C9: variants seen among roughly 807,000 people sequenced by gnomAD.
C9 encodes the protein complement component C9.
A neutral mutation model predicts 65.4 loss-of-function variants in C9; 63 were observed. That is an observed-to-expected ratio of 0.96 (90% confidence interval 0.79 to 1.19). The LOEUF (loss-of-function observed/expected upper bound fraction) is 1.19, where lower values mean the gene tolerates loss of function less well. Ranked by LOEUF, C9 falls within the 50% of genes most tolerant of loss-of-function variation. The pLI is 0.00. For synonymous variants in C9, 229 were observed against 227.9 expected (o/e 1.00, Z -0.04); for missense variants, 744 against 670.1 (o/e 1.11, Z -1.22).
At chr5:39,291,704 A>G (rs1280854649) in intron 9 of C9, among the ~76,000 whole-genome samples, 1 of 151,950 alleles carries the variant, frequency 6.6e-6, no homozygotes, top group Admixed American at 6.6e-5. Context: ...TTTTGAAAGT[A>G]GACTAAATTT....
intron 1 of C9, among the ~76,000 whole-genome samples, chr5:39,357,044 C>T (rs1042901348): frequency 4.6e-5 from 7 of 152,308 alleles, no homozygotes; most frequent in Middle Eastern, 3.4e-3. Context: ...AGGAGATCTA[C>T]CTCTGGGCCA....
At chr5:39,359,090 G>A (rs981310459) in intron 1 of C9, among the ~76,000 whole-genome samples, 3,431 of 42,192 alleles carry the variant, frequency 0.081, 90 homozygotes, top group Non-Finnish European at 0.12. Context: ...ATATATATAT[G>A]TGTGTGTGTG....
At chr5:39,329,058 A>T (rs1753800345) in intron 5 of C9, among the ~76,000 whole-genome samples, 1 of 152,212 alleles carries the variant, frequency 6.6e-6, no homozygotes, top group Non-Finnish European at 1.5e-5. Context: ...ATTATAATGA[A>T]CACCTGAAAC....
rs1480292902 is a variant in C9, at chr5:39,308,313, T to C, written c.1157A>G (p.Asp386Gly). ...GATTTCAGAGAAAGCCAGAGATACATCCAGATGATACCCAAGGCATCTCTT... is the reference window on the plus strand; with the variant it reads ...GATTTCAGAGAAAGCCAGAGATACACCCAGATGATACCCAAGGCATCTCTT... ...DIKRCLGYHL[D>G]VSLAFSEISV... The change falls in exon 8 of 11, where the codon GAT (aspartate) becomes GGT (glycine). Residue 386 changes from aspartate (D) to glycine (G), a missense_variant. By Grantham distance (94) the Asp-to-Gly change is moderately conservative (BLOSUM62 -1). Transcript: ENST00000263408. The C allele has an allele frequency of 1.2e-6, 2 of 1,605,060 alleles. No homozygotes were observed. Among genetic ancestry groups the C allele is most frequent in the Non-Finnish European group, 1.7e-6 (2 of 1,171,910 alleles).
At chr5:39,348,938 G>A (rs1283662099) in intron 1 of C9, among the ~76,000 whole-genome samples, 1 of 143,512 alleles carries the variant, frequency 7.0e-6, no homozygotes, top group African/African-American at 2.6e-5. Flanking sequence ...ACCAAACATT[G>A]CATGTTCTCA....
chr5:39,359,102 GTA>G (rs1157807681), intron 1 of C9, among the ~76,000 whole-genome samples: 36 of 103,660 alleles, frequency 3.5e-4, no homozygotes, highest in South Asian at 9.3e-4. Flanking sequence ...GTGTGTGTGT[GTA>G]TATATATATA....
At chr5:39,350,113 A>G (rs1003727855) in intron 1 of C9, among the ~76,000 whole-genome samples, 2 of 152,194 alleles carry the variant, frequency 1.3e-5, no homozygotes, top group African/African-American at 4.8e-5. Flanking sequence ...GAAACTTACA[A>G]TCATGTCAGA....
chr5:39,349,916 C>A (rs1354686934), intron 1 of C9, among the ~76,000 whole-genome samples: 1 of 152,206 alleles, frequency 6.6e-6, no homozygotes, highest in Non-Finnish European at 1.5e-5. Flanking sequence ...ATGTCTCTCT[C>A]TCTCTCTTAT....
At chr5:39,314,519 T>A (rs928549053) in intron 6 of C9, among the ~76,000 whole-genome samples, 13 of 152,214 alleles carry the variant, frequency 8.5e-5, no homozygotes, top group African/African-American at 2.9e-4. Flanking sequence ...CCCATGTCAC[T>A]CAGAAAAAAA....
At chr5:39,353,013 C>T (rs1214455632) in intron 1 of C9, among the ~76,000 whole-genome samples, 1 of 151,998 alleles carries the variant, frequency 6.6e-6, no homozygotes. Flanking sequence ...TCTGATTACA[C>T]GGGCTCTTTA....
intron 1 of C9, among the ~76,000 whole-genome samples, chr5:39,361,084 AAG>A (rs1754508674): frequency 6.6e-6 from 1 of 152,146 alleles, no homozygotes; most frequent in African/African-American, 2.4e-5. Flanking sequence ...TTGACTCAGA[AAG>A]TTATCCAGGA....
chr5:39,320,441 A>G (rs1753646100), intron 5 of C9, among the ~76,000 whole-genome samples: 1 of 152,188 alleles, frequency 6.6e-6, no homozygotes, highest in African/African-American at 2.4e-5. Context: ...AGAAGAAAGA[A>G]TCATGAGCTC....
chr5:39,333,856 C>A (rs374221197), intron 4 of C9, among the ~76,000 whole-genome samples: 7 of 152,124 alleles, frequency 4.6e-5, no homozygotes, highest in African/African-American at 1.7e-4. Context: ...GCGAGTGATC[C>A]GCCAGCCTTG....
chr5:39,335,245 G>A (rs1182404111), intron 4 of C9, among the ~76,000 whole-genome samples: 1 of 152,130 alleles, frequency 6.6e-6, no homozygotes, highest in African/African-American at 2.4e-5. Flanking sequence ...TAGCTCTTAG[G>A]TGACTACTAT....
chr5:39,317,747 C>T (rs1465909318), intron 5 of C9, among the ~76,000 whole-genome samples: 4 of 152,244 alleles, frequency 2.6e-5, no homozygotes, highest in Non-Finnish European at 5.9e-5. Context: ...TTACCGTAGC[C>T]TTGTACTATA....
At chr5:39,330,959 C>T (rs928860083) in intron 5 of C9, among the ~76,000 whole-genome samples, 1 of 152,182 alleles carries the variant, frequency 6.6e-6, no homozygotes, top group Admixed American at 6.5e-5. Flanking sequence ...ATAAGGCAGA[C>T]CTTGTGGCTC....
chr5:39,311,254 T>C lies in C9; in HGVS notation c.994A>G (p.Lys332Glu). 2.5e-6 allele frequency: 4 copies of C among 1,613,850 alleles called. No individual in the cohort carries two copies. The highest frequency in any genetic ancestry group is 1.1e-5 in the South Asian group (1 of 91,070). The change falls in exon 7 of 11, where the codon AAG becomes GAG. Residue 332 changes from lysine to glutamate, a missense_variant. Physicochemically the swap from Lys to Glu is moderately conservative, Grantham distance 56 (BLOSUM62 1). Transcript: ENST00000263408. ...TCCAAAAAGGCAAAATATTCTCCCT[T>C]TTCATAGGTAGTTGGCAAAGCTTTT... is the stretch of plus-strand genomic sequence containing the variant. ...DIKALPTTYE[K>E]GEYFAFLETY...
intron 1 of C9, among the ~76,000 whole-genome samples, chr5:39,363,352 A>T (rs1282716575): frequency 1.3e-5 from 2 of 152,230 alleles, no homozygotes; most frequent in African/African-American, 4.8e-5. Context: ...CCCTGTGAAT[A>T]ACCCACTTGT....
At chr5:39,293,822 G>A (rs561682721) in intron 9 of C9, among the ~76,000 whole-genome samples, 3 of 151,592 alleles carry the variant, frequency 2.0e-5, no homozygotes, top group Non-Finnish European at 2.9e-5. Context: ...AACAAGTCTC[G>A]AAAAAATTTT....
Sources: allele counts gnomAD v4.1 joint callset (sites outside exome capture counted in the v4.1 genomes callset), GRCh38; gene constraint gnomAD v4.1.1; transcripts MANE v1.5; gene names NCBI Gene and HGNC (gene_info 2026-07-23, HGNC 2026-07-21).